HIPK3: variants seen among roughly 807,000 people sequenced by gnomAD.
The protein encoded by HIPK3 is homeodomain interacting protein kinase 3, also known as homeodomain-interacting protein kinase 3.
HIPK3 carries 47 observed loss-of-function variants against 124.2 expected under a neutral mutation model. The ratio of observed to expected loss-of-function variants is 0.38; its 90% CI spans 0.30 to 0.48. The LOEUF (loss-of-function observed/expected upper bound fraction) is 0.48, where lower values mean the gene tolerates loss of function less well. Ranked by LOEUF, HIPK3 falls within the 20% of genes least tolerant of loss-of-function variation. HIPK3 has a pLI of 0.98. For missense variants in HIPK3, 1,286 were observed against 1,454.3 expected, an observed-to-expected ratio of 0.88 and a Z score of 1.88; for synonymous variants, 482 against 515.2, an observed-to-expected ratio of 0.94 and a Z score of 0.87.
At chr11:33,258,919 A>G (rs1267319797) in intron 1 of HIPK3, among the ~76,000 whole-genome samples, 1 of 152,154 alleles carries the variant, frequency 6.6e-6, no homozygotes, top group Non-Finnish European at 1.5e-5. Context: ...AGCAACAGCA[A>G]AAAATTTCAG....
intron 3 of HIPK3, among the ~76,000 whole-genome samples, chr11:33,336,078 C>T (rs899114623): frequency 3.9e-5 from 6 of 151,972 alleles, no homozygotes; most frequent in African/African-American, 1.2e-4. Context: ...TAATGAAAAG[C>T]GCAGTGGAGA....
chr11:33,288,860 A>C (rs904025160), intron 2 of HIPK3, among the ~76,000 whole-genome samples: 3 of 152,220 alleles, frequency 2.0e-5, no homozygotes, highest in African/African-American at 7.2e-5. Flanking sequence ...GCCATCAAAT[A>C]CAGACAAATA....
At position 33,302,339 on chromosome 11, in the gene HIPK3, C is replaced by CTTTTTTTTTTTTTTTTTTTTTTT. The variant is rs374964013; in HGVS notation, c.1097+14830_1097+14831insTTTTTTTTTTTTTTTTTTTTTTT. On this transcript the variant is annotated intron_variant, in intron 2 of 16. Transcript: ENST00000303296. ...TGAACTTCTCTATGATAATTCCTTACTTCTTTTTTTTTTTTTTGAGAAGGA... is the reference window on the plus strand; with the variant it reads ...TGAACTTCTCTATGATAATTCCTTACTTTTTTTTTTTTTTTTTTTTTTTTTCTTTTTTTTTTTTTTGAGAAGGA... 3.3e-5 allele frequency among the ~76,000 whole-genome samples: 4 copies of CTTTTTTTTTTTTTTTTTTTTTTT among 121,140 alleles called. 1 individual carries two copies. The highest frequency in any genetic ancestry group is 1.7e-5 in the Non-Finnish European group (1 of 57,862). The allele number at this position is 121,140 out of a possible 152,430, so 79.5% of individuals were successfully genotyped here.
At chr11:33,297,915 G>A (rs1189288357) in intron 2 of HIPK3, among the ~76,000 whole-genome samples, 3 of 148,842 alleles carry the variant, frequency 2.0e-5, no homozygotes, top group African/African-American at 4.9e-5. Context: ...TCAGCCTCCC[G>A]AGTAGCTGGG....
rs1852876366 is a variant in HIPK3 at position 33,328,549 on chromosome 11, C to G, written c.1137C>G (p.Ala379=). The change falls in exon 3 of 17, where the codon GCC becomes GCG. Residue 379 remains alanine (A), a synonymous_variant. Transcript: ENST00000303296. ...EIILGLPFCE[A]IDMWSLGCVI... ...TATTGGGGTTGCCATTTTGTGAAGC[C>G]ATAGACATGTGGTCATTGGGATGTG... The G allele has an allele frequency of 1.2e-6, 2 of 1,613,454 alleles. No homozygotes were observed. The highest frequency in any genetic ancestry group is 1.7e-6 in the Non-Finnish European group (2 of 1,179,530).
intron 8 of HIPK3, among the ~76,000 whole-genome samples, chr11:33,345,832 A>T (rs980450384): frequency 2.0e-5 from 3 of 152,172 alleles, no homozygotes; most frequent in Non-Finnish European, 4.4e-5. Flanking sequence ...AGTCTCAGTG[A>T]AGAAAATAAA....
At chr11:33,315,747 G>A (rs1013388768) in intron 2 of HIPK3, among the ~76,000 whole-genome samples, 18 of 152,170 alleles carry the variant, frequency 1.2e-4, no homozygotes, top group Non-Finnish European at 2.6e-4. Flanking sequence ...TTGGTATTGG[G>A]CTGTGAACTA....
intron 1 of HIPK3, among the ~76,000 whole-genome samples, chr11:33,261,991 G>T (rs539257276): frequency 2.4e-4 from 37 of 152,176 alleles, no homozygotes; most frequent in Admixed American, 3.9e-4. Flanking sequence ...TCATGTGCTT[G>T]TTGGCCACAC....
Position 33,257,524 on chromosome 11 carries a change from G to C in HIPK3, c.-368G>C. The stretch of plus-strand genomic sequence containing the variant: ...TCAGGAATGGGCCCCAATCGCCGTG[G>C]GCCCCGCACCCTGCGTCGCCCGTAG... On this transcript the variant is annotated 5_prime_UTR_variant, in exon 1 of 17. Coordinates refer to ENST00000303296, the MANE Select transcript of HIPK3 (RefSeq NM_005734.5). 2.0e-6 allele frequency: 2 copies of C among 985,466 alleles called. No individual in the cohort carries two copies. Among genetic ancestry groups the C allele is most frequent in the Non-Finnish European group, 2.4e-6 (2 of 830,008 alleles). 61.0% of individuals were successfully genotyped at this position (985,466 alleles called of 1,614,324 possible). A position where few individuals can be genotyped will look rare whatever the true frequency, so the allele number is the denominator to read the frequency against.
At chr11:33,268,238 C>G (rs1313043552) in intron 1 of HIPK3, among the ~76,000 whole-genome samples, 1 of 152,040 alleles carries the variant, frequency 6.6e-6, no homozygotes, top group Non-Finnish European at 1.5e-5. Flanking sequence ...AAACAAAAAA[C>G]AGTATTCTTA....
chr11:33,278,804 A>G lies in HIPK3; in HGVS notation c.-2-7609A>G, dbSNP rs372268891. The stretch of plus-strand genomic sequence containing the variant: ...GCTTGCAGTGAGCAGAGATCGTGCC[A>G]CTGCACTCCAGCCTGGGCGACAGAG... On this transcript the variant is annotated intron_variant, in intron 1 of 16. Transcript: ENST00000303296. Among the ~76,000 whole-genome samples the G allele has an allele frequency of 1.3e-4, 20 of 152,188 alleles. No individual in the cohort carries two copies. In the East Asian group the frequency reaches 2.1e-3, roughly 16 times the overall value.
intron 1 of HIPK3, among the ~76,000 whole-genome samples, chr11:33,273,652 A>C (rs1203347607): frequency 6.6e-6 from 1 of 152,140 alleles, no homozygotes; most frequent in African/African-American, 2.4e-5. Flanking sequence ...AAATTAAAAA[A>C]ATACTTTGAA....
chr11:33,315,943 T>A (rs2133950620), intron 2 of HIPK3, among the ~76,000 whole-genome samples: 1 of 152,328 alleles, frequency 6.6e-6, no homozygotes, highest in East Asian at 1.9e-4. Context: ...AAGGATATTT[T>A]TAACTGTGAT....
Position 33,351,629 on chromosome 11 carries a change from A to C in HIPK3, c.2829A>C (p.Glu943Asp). Residue 943 changes from glutamate (E) to aspartate (D), a missense_variant, in exon 15 of 17, where the codon GAA becomes GAC. Physicochemically the swap from Glu to Asp is conservative, Grantham distance 45. Coordinates refer to ENST00000303296, the MANE Select transcript of HIPK3 (RefSeq NM_005734.5). Reference protein sequence around the residue: ...RPNSMSDEEQESSCDTVDGSP... With the variant: ...RPNSMSDEEQDSSCDTVDGSP... ...GTAGTATGTCAGATGAAGAGCAAGA[A>C]AGTAGTTGTGATACGGTGGATGGCT... 1.9e-6 allele frequency: 3 copies of C among 1,614,038 alleles called. No homozygotes were observed. Among genetic ancestry groups the C allele is most frequent in the Non-Finnish European group, 2.5e-6 (3 of 1,179,886 alleles).
intron 1 of HIPK3, among the ~76,000 whole-genome samples, chr11:33,267,526 C>T (rs905750162): frequency 4.8e-5 from 7 of 146,030 alleles, no homozygotes; most frequent in Non-Finnish European, 9.1e-5. Flanking sequence ...GACGGAGTCT[C>T]GCTCTGTCCC....
At chr11:33,272,231 C>T (rs1017422969) in intron 1 of HIPK3, among the ~76,000 whole-genome samples, 5 of 152,056 alleles carry the variant, frequency 3.3e-5, no homozygotes, top group Non-Finnish European at 5.9e-5. Flanking sequence ...AACCCCATCT[C>T]TACTAAAAAT....
chr11:33,300,348 CAA>C (rs565541023), intron 2 of HIPK3, among the ~76,000 whole-genome samples: 15 of 121,540 alleles, frequency 1.2e-4, no homozygotes, highest in Non-Finnish European at 1.4e-4. Flanking sequence ...GACTCCATCG[CAA>C]AAAAAAAAAA....
chr11:33,258,728 A>G (rs986211767), intron 1 of HIPK3: 2 of 984,900 alleles, frequency 2.0e-6, no homozygotes, highest in African/African-American at 3.5e-5. Flanking sequence ...TTCCCGTCTC[A>G]TCTCTGCTTG....
rs1354235395 is a variant in HIPK3 at position 33,308,610 on chromosome 11, A to AGG, written c.1098-19897_1098-19896dup. Among the ~76,000 whole-genome samples the AGG allele has an allele frequency of 1.7e-3, 192 of 116,128 alleles. 1 individual carries two copies. In the Middle Eastern group the frequency reaches 0.02, roughly 12 times the overall value. The allele number at this position is 116,128 out of a possible 152,430, so 76.2% of individuals were successfully genotyped here. A position where few individuals can be genotyped will look rare whatever the true frequency, so the allele number is the denominator to read the frequency against. ...GCACTTGATCTACAGGTGTGTGCCT[A>AGG]GGGGTGTGTGTGTGTGTGTGTGTGT... is the stretch of plus-strand genomic sequence containing the variant. On this transcript the variant is annotated intron_variant, in intron 2 of 16. Transcript: ENST00000303296.
Sources: gnomAD v4.1 joint callset for allele counts (sites outside exome capture counted in the v4.1 genomes callset) on GRCh38, gnomAD v4.1.1 for gene constraint, MANE v1.5 for transcripts, NCBI Gene and HGNC (gene_info 2026-07-23, HGNC 2026-07-21) for gene names.